PSD3: variants seen among roughly 807,000 people sequenced by gnomAD.
PSD3 encodes the protein pleckstrin and Sec7 domain containing 3.
PSD3 carries 49 observed loss-of-function variants against 105.5 expected under a neutral mutation model. The observed-to-expected ratio is 0.46, with a 90% CI of 0.37 to 0.59. The LOEUF (loss-of-function observed/expected upper bound fraction) is 0.59, where lower values mean the gene tolerates loss of function less well. Among genes scored for constraint, PSD3 ranks in the 20% least tolerant of loss-of-function variants. PSD3 has a pLI of 0.00. For missense variants in PSD3, 1,561 were observed against 1,263.8 expected, an observed-to-expected ratio of 1.24 and a Z score of -3.57; for synonymous variants, 557 against 457.8, an observed-to-expected ratio of 1.22 and a Z score of -2.77.
At chr8:18,969,221 C>G (rs981841922) in intron 1 of PSD3, among the ~76,000 whole-genome samples, 2 of 152,158 alleles carry the variant, frequency 1.3e-5, no homozygotes, top group African/African-American at 4.8e-5. Flanking sequence ...AAGTGCGAAG[C>G]AGTCACATCA....
chr8:18,579,587 T>A (rs1389281645), intron 12 of PSD3, among the ~76,000 whole-genome samples: 1 of 152,168 alleles, frequency 6.6e-6, no homozygotes, highest in Non-Finnish European at 1.5e-5. Flanking sequence ...TTATTTTAAA[T>A]CCATTAAAAG....
At chr8:18,891,271 A>G (rs1265560593) in intron 2 of PSD3, among the ~76,000 whole-genome samples, 1 of 152,202 alleles carries the variant, frequency 6.6e-6, no homozygotes, top group Non-Finnish European at 1.5e-5. Context: ...AAATAATCAA[A>G]TGGCTCCTTA....
In PSD3 at chr8:19,074,592, C is replaced by CATATATATAT. The variant is rs1240382273; in HGVS notation, c.324+9604_324+9613dup. On this transcript the variant is annotated intron_variant, in intron 1 of 1. Coordinates refer to the PSD3 transcript ENST00000521475. The stretch of plus-strand genomic sequence containing the variant: ...TATAATTTTACAACTCAGATATATA[C>CATATATATAT]ATATATATATATATATATATTTTTT... Among the ~76,000 whole-genome samples the CATATATATAT allele has an allele frequency of 4.0e-3, 264 of 65,920 alleles. 3 individuals carry two copies. The highest frequency in any genetic ancestry group is 0.013 in the Middle Eastern group (1 of 80). The allele number at this position is 65,920 out of a possible 152,430, so 43.2% of individuals were successfully genotyped here. A position where few individuals can be genotyped will look rare whatever the true frequency, so the allele number is the denominator to read the frequency against.
chr8:18,878,201 TC>T (rs1817861047), intron 2 of PSD3, among the ~76,000 whole-genome samples: 1 of 152,210 alleles, frequency 6.6e-6, no homozygotes, highest in Admixed American at 6.5e-5. Context: ...AGATTCTATT[TC>T]TTTTGATATT....
chr8:18,695,298 T>C (rs1443168404), intron 9 of PSD3, among the ~76,000 whole-genome samples: 1 of 152,210 alleles, frequency 6.6e-6, no homozygotes, highest in East Asian at 1.9e-4. Context: ...CAGTCATTGA[T>C]ACCTGTCAGC....
intron 1 of PSD3, among the ~76,000 whole-genome samples, chr8:19,062,679 T>A (rs1828944408): frequency 6.6e-6 from 1 of 152,222 alleles, no homozygotes; most frequent in African/African-American, 2.4e-5. Context: ...AGTAGATGCA[T>A]AACTTCTAAA....
chr8:18,801,329 ACTCT>A lies in PSD3; in HGVS notation c.1960_1963del (p.Arg654PhefsTer2). The A allele has an allele frequency of 6.2e-7, 1 of 1,608,430 alleles. No individual in the cohort carries two copies. ...ATATCTATTGGAGAAGTGTATTAAA[ACTCT>A]CTCTCGTTCTTGAGTTTCTCCCACA... On this transcript the variant is annotated frameshift_variant, in exon 7 of 16. Transcript: ENST00000327040. LOFTEE classifies it high-confidence loss of function.
intron 1 of PSD3, among the ~76,000 whole-genome samples, chr8:19,036,636 A>G (rs1827951710): frequency 1.3e-5 from 2 of 152,178 alleles, no homozygotes; most frequent in South Asian, 4.1e-4. Context: ...GGATTGTGGT[A>G]GGGTTATGTG....
At chr8:18,701,896 T>C (rs1554474793) in intron 9 of PSD3, among the ~76,000 whole-genome samples, 2 of 152,170 alleles carry the variant, frequency 1.3e-5, no homozygotes, top group Non-Finnish European at 2.9e-5. Flanking sequence ...AACATGAAAA[T>C]ATCACTGGTG....
At chr8:18,921,708 C>T (rs771150428) in intron 2 of PSD3, among the ~76,000 whole-genome samples, 14 of 152,186 alleles carry the variant, frequency 9.2e-5, no homozygotes, top group Non-Finnish European at 1.6e-4. Flanking sequence ...ATGAAACTCA[C>T]AACTGGAACA....
At chr8:18,754,715 TGAGA>T (rs1240857370) in intron 9 of PSD3, among the ~76,000 whole-genome samples, 1 of 152,182 alleles carries the variant, frequency 6.6e-6, no homozygotes, top group Non-Finnish European at 1.5e-5. Context: ...TTCTGGCTGT[TGAGA>T]GTTATTTTTA....
chr8:18,776,784 C>G (rs1252792787), intron 8 of PSD3, among the ~76,000 whole-genome samples: 1 of 152,138 alleles, frequency 6.6e-6, no homozygotes, highest in Non-Finnish European at 1.5e-5. Context: ...TTACTCATTA[C>G]TGGTCTGTTC....
chr8:18,807,461 A>C (rs940964166), intron 4 of PSD3, among the ~76,000 whole-genome samples: 11 of 152,226 alleles, frequency 7.2e-5, no homozygotes, highest in African/African-American at 2.4e-4. Flanking sequence ...CAACTGTGTA[A>C]AAATGTCAAC....
At chr8:18,872,908 C>T (rs1817487703) in intron 2 of PSD3, among the ~76,000 whole-genome samples, 175 bp from the exon 3 acceptor site, 1 of 152,176 alleles carries the variant, frequency 6.6e-6, no homozygotes, top group South Asian at 2.1e-4. Flanking sequence ...TACAGTGATC[C>T]CTTCTACTCA....
At chr8:18,556,383 C>CAAAA (rs112511528) in intron 14 of PSD3, 31 bp from the exon 15 acceptor site, 21,043 of 1,339,422 alleles carry the variant, frequency 0.016, 24 homozygotes, top group Non-Finnish European at 0.018. Context: ...ATTTAGCGTT[C>CAAAA]AAAAAAAAAA....
chr8:18,981,750 T>C (rs1401144359), intron 1 of PSD3, among the ~76,000 whole-genome samples: 1 of 152,088 alleles, frequency 6.6e-6, no homozygotes, highest in African/African-American at 2.4e-5. Flanking sequence ...AAGAAAACAA[T>C]GTCAATGTAC....
chr8:18,811,335 A>G (rs1366260199), intron 4 of PSD3, among the ~76,000 whole-genome samples: 3 of 152,176 alleles, frequency 2.0e-5, no homozygotes, highest in African/African-American at 7.2e-5. Flanking sequence ...ATCTTCTGGT[A>G]TGTCTGTCTT....
chr8:18,896,587 A>AT (rs1819164230), intron 2 of PSD3, among the ~76,000 whole-genome samples: 3 of 151,916 alleles, frequency 2.0e-5, no homozygotes, highest in South Asian at 4.2e-4. Flanking sequence ...TAATTTTTGT[A>AT]TTTTTTGTAG....
chr8:18,879,984 A>G (rs1228041467), intron 2 of PSD3, among the ~76,000 whole-genome samples: 1 of 152,148 alleles, frequency 6.6e-6, no homozygotes, highest in African/African-American at 2.4e-5. Context: ...TCTGGGTAGA[A>G]ACAGCCTTAA....
Sources: allele counts gnomAD v4.1 joint callset (sites outside exome capture counted in the v4.1 genomes callset), GRCh38; gene constraint gnomAD v4.1.1; transcripts MANE v1.5; gene names NCBI Gene and HGNC (gene_info 2026-07-23, HGNC 2026-07-21).